Variants in EPHA4 observed in about 807,000 individuals in gnomAD.
EPHA4 encodes the protein ephrin type-A receptor 4.
A neutral mutation model predicts 108.3 loss-of-function variants in EPHA4; 19 were observed. The observed-to-expected ratio is 0.18, with a 90% CI of 0.12 to 0.26. The LOEUF (loss-of-function observed/expected upper bound fraction) is 0.26. Among genes scored for constraint, EPHA4 ranks in the 10% least tolerant of loss-of-function variants. The pLI is 1.00. For missense variants in EPHA4, 917 were observed against 1,254.0 expected, an observed-to-expected ratio of 0.73 and a Z score of 4.06; for synonymous variants, 449 against 455.5, an observed-to-expected ratio of 0.99 and a Z score of 0.18.
chr2:221,521,401 T>C (rs1161012429), intron 3 of EPHA4, among the ~76,000 whole-genome samples: 1 of 152,152 alleles, frequency 6.6e-6, no homozygotes, highest in Non-Finnish European at 1.5e-5. Flanking sequence ...AGAGATGCTA[T>C]AGCCAAAATA....
chr2:221,563,530 C>T (rs1328202597), intron 3 of EPHA4, among the ~76,000 whole-genome samples: 1 of 152,190 alleles, frequency 6.6e-6, no homozygotes, highest in Non-Finnish European at 1.5e-5. Context: ...CTGCTGATTA[C>T]AGCAGCATCA....
chr2:221,447,404 T>C (rs1169258445), intron 8 of EPHA4, among the ~76,000 whole-genome samples: 1 of 152,060 alleles, frequency 6.6e-6, no homozygotes, highest in Non-Finnish European at 1.5e-5. Context: ...TTTGAACAGG[T>C]AGAAAGGCAG....
intron 3 of EPHA4, among the ~76,000 whole-genome samples, chr2:221,502,029 C>T (rs757048811): frequency 3.3e-5 from 5 of 151,982 alleles, no homozygotes; most frequent in East Asian, 1.9e-4. Context: ...GTAGAGAACA[C>T]GGGCCATATA....
chr2:221,437,675 G>GC (rs901390128), intron 11 of EPHA4, among the ~76,000 whole-genome samples: 1 of 151,478 alleles, frequency 6.6e-6, no homozygotes, highest in African/African-American at 2.4e-5. Context: ...ACTTTGGGAG[G>GC]CCAAGACAGT....
Position 221,420,211 on chromosome 2 carries a change from A to G in EPHA4, c.*1161T>C, listed in dbSNP as rs1292811023. 6.6e-6 allele frequency: 1 copy of G among 152,366 alleles called. No individual in the cohort carries two copies. Among genetic ancestry groups the G allele is most frequent in the African/African-American group, 2.4e-5 (1 of 41,272 alleles). 9.4% of individuals were successfully genotyped at this position (152,366 alleles called of 1,614,324 possible). On this transcript the variant is annotated 3_prime_UTR_variant, in exon 18 of 18. Transcript: ENST00000281821. ...ACCAATGCAGCAGTGACACACAGGA[A>G]TGAAATATGGAAATACATATAAATA...
At chr2:221,486,930 C>G (rs1462306584) in intron 4 of EPHA4, among the ~76,000 whole-genome samples, 4 of 152,030 alleles carry the variant, frequency 2.6e-5, no homozygotes, top group Non-Finnish European at 4.4e-5. Context: ...AACTATGCAG[C>G]CTTCTCCGAG....
At chr2:221,446,218 T>C (rs781381637) in intron 8 of EPHA4, 37 bp from the exon 9 acceptor site, 1 of 1,335,540 alleles carries the variant, frequency 7.5e-7, no homozygotes, top group Non-Finnish European at 1.0e-6. Context: ...ATTATTTTCC[T>C]CAAACACCTA....
intron 3 of EPHA4, among the ~76,000 whole-genome samples, chr2:221,545,474 A>G (rs1693968476): frequency 6.6e-6 from 1 of 152,162 alleles, no homozygotes; most frequent in South Asian, 2.1e-4. Context: ...ATCTTAAAAA[A>G]AACAAAAAAC....
chr2:221,431,804 A>G (rs1405472577), intron 14 of EPHA4, among the ~76,000 whole-genome samples: 1 of 152,212 alleles, frequency 6.6e-6, no homozygotes, highest in Non-Finnish European at 1.5e-5. Context: ...AAGATGGCTC[A>G]TAGGTTAGCA....
chr2:221,442,278 G>A (rs1024134814), intron 11 of EPHA4, among the ~76,000 whole-genome samples: 5 of 152,198 alleles, frequency 3.3e-5, no homozygotes, highest in African/African-American at 9.6e-5. Context: ...TAACTGAAGC[G>A]TGGTTCATAG....
At position 221,446,114 on chromosome 2, in the gene EPHA4, T is replaced by C. The variant is rs746132202; in HGVS notation, c.1774+9A>G. 2.5e-5 allele frequency: 38 copies of C among 1,531,008 alleles called. No homozygotes were observed. The highest frequency in any genetic ancestry group is 3.3e-5 in the Non-Finnish European group (38 of 1,141,036). The allele number at this position is 1,531,008 out of a possible 1,614,324, so 94.8% of individuals were successfully genotyped here. The stretch of plus-strand genomic sequence containing the variant: ...TAAAAATAGAATTTTTTAATCCAAT[T>C]TTTTGTACCTTGATTCAAATGTTTC... On this transcript the variant is annotated intron_variant, in intron 9 of 17. Transcript: ENST00000281821.
intron 11 of EPHA4, among the ~76,000 whole-genome samples, chr2:221,440,542 G>A (rs1183884287): frequency 1.3e-5 from 2 of 151,366 alleles, no homozygotes; most frequent in South Asian, 4.2e-4. Flanking sequence ...AGCAAATAGA[G>A]CTATTCTATG....
intron 4 of EPHA4, among the ~76,000 whole-genome samples, chr2:221,487,862 A>C (rs555183447): frequency 2.4e-4 from 37 of 152,254 alleles, no homozygotes; most frequent in African/African-American, 8.2e-4. Context: ...ATGTTCAACT[A>C]TTTTAAAGTT....
rs375147561 is a variant in EPHA4, at chr2:221,563,756, A to G, written c.798T>C (p.His266=). 3.1e-6 allele frequency: 5 copies of G among 1,614,058 alleles called. No individual in the cohort carries two copies. The African/African-American group carries it at 4.0e-5, about 13-fold the overall frequency. Residue 266 remains histidine (H), a synonymous_variant, in exon 3 of 18, where the codon CAT becomes CAC. Coordinates refer to ENST00000281821, the MANE Select transcript of EPHA4 (RefSeq NM_004438.5). ...PIGNCLCNAG[H]EERSGECQAC... The stretch of plus-strand genomic sequence containing the variant: ...CTTGGCATTCTCCGCTCCGCTCCTC[A>G]TGCCCAGCGTTGCATAGGCAGTTGC...
intron 2 of EPHA4, among the ~76,000 whole-genome samples, chr2:221,566,788 G>A (rs1191320075): frequency 2.1e-5 from 3 of 144,832 alleles, no homozygotes; most frequent in Admixed American, 7.0e-5. Flanking sequence ...GAAGAAGAAG[G>A]AGAAGAAGAA....
intron 5 of EPHA4, among the ~76,000 whole-genome samples, chr2:221,460,539 C>T (rs1342657911): frequency 6.6e-6 from 1 of 152,138 alleles, no homozygotes; most frequent in Non-Finnish European, 1.5e-5. Context: ...GGAAATGTAC[C>T]TAAAACATAC....
chr2:221,467,685 C>T (rs1488638017), intron 5 of EPHA4, among the ~76,000 whole-genome samples: 4 of 152,148 alleles, frequency 2.6e-5, no homozygotes, highest in African/African-American at 9.7e-5. Context: ...AACCAAGGCC[C>T]ATGTCCACCA....
chr2:221,482,404 A>G lies in EPHA4; in HGVS notation c.1266T>C (p.Tyr422=). 1.9e-6 allele frequency: 3 copies of G among 1,613,954 alleles called. No individual in the cohort carries two copies. Among genetic ancestry groups the G allele is most frequent in the Non-Finnish European group, 2.5e-6 (3 of 1,179,946 alleles). The change falls in exon 5 of 18, where the codon TAT becomes TAC. Residue 422 remains tyrosine (Y), a synonymous_variant. Transcript: ENST00000281821. ...AAACTGATTGGTCTGGGTTAGGGTT[A>G]TATTTGGACACTCCATTCACAGCCC... ...EIWAVNGVSK[Y]NPNPDQSVSV... is the part of the protein sequence containing the mutation.
intron 5 of EPHA4, among the ~76,000 whole-genome samples, chr2:221,461,486 T>A (rs1381030632): frequency 6.6e-6 from 1 of 152,056 alleles, no homozygotes; most frequent in Non-Finnish European, 1.5e-5. Flanking sequence ...AGTAGAAAAT[T>A]TGGTCAGCAT....
Sources: allele counts gnomAD v4.1 joint callset (sites outside exome capture counted in the v4.1 genomes callset), GRCh38; gene constraint gnomAD v4.1.1; transcripts MANE v1.5; gene names NCBI Gene and HGNC (gene_info 2026-07-23, HGNC 2026-07-21).